TLL1: variants seen among roughly 807,000 people sequenced by gnomAD.
TLL1 encodes the protein tolloid like 1, also known as tolloid-like protein 1.
In TLL1, 49 loss-of-function variants were observed where a neutral mutation model predicts 128.2. The ratio of observed to expected loss-of-function variants is 0.38; its 90% confidence interval spans 0.30 to 0.48. TLL1 has a LOEUF of 0.48. Among genes scored for constraint, TLL1 ranks in the 20% least tolerant of loss-of-function variants. The probability of loss-of-function intolerance (pLI) is 0.96; values close to 1 mark genes in which losing one functional copy is unlikely to be tolerated. For synonymous variants in TLL1, 454 were observed against 418.8 expected (o/e 1.08, Z -1.03); for missense variants, 1,123 against 1,242.0 (o/e 0.90, Z 1.44).
At position 166,078,050 on chromosome 4, in the gene TLL1, T is replaced by G. The variant is rs1741117305; in HGVS notation, c.2442+20T>G. Reference sequence around the variant, plus strand: ...AAATTAGTAAGTGAGCACATCCTTTTTCTTTCCATTAAGCTGACTGCCCTT... The same window carrying G: ...AAATTAGTAAGTGAGCACATCCTTTGTCTTTCCATTAAGCTGACTGCCCTT... On this transcript the variant is annotated intron_variant, in intron 18 of 20. Transcript: ENST00000061240. The G allele has an allele frequency of 6.2e-7, 1 of 1,612,692 alleles. No homozygotes were observed. Among genetic ancestry groups the G allele is most frequent in the Admixed American group, 1.7e-5 (1 of 59,932 alleles).
intron 13 of TLL1, among the ~76,000 whole-genome samples, chr4:166,056,983 C>CAT (rs959902432): frequency 1.7e-3 from 256 of 151,640 alleles, no homozygotes; most frequent in Non-Finnish European, 2.7e-3. Context: ...TTTACGCCCT[C>CAT]ATATATATAT....
intron 1 of TLL1, among the ~76,000 whole-genome samples, chr4:165,954,611 C>T (rs926542498): frequency 3.9e-5 from 6 of 152,014 alleles, no homozygotes; most frequent in Admixed American, 6.6e-5. Context: ...GCTAAGATGT[C>T]AGGACACCCT....
rs183417716 is a variant in TLL1 at position 166,010,599 on chromosome 4, C to T, written c.917+2551C>T. Among the ~76,000 whole-genome samples, 13 of 150,444 alleles carry T rather than the reference C, an allele frequency of 8.6e-5. No homozygotes were observed. The East Asian group carries it at 2.3e-3, about 27-fold the overall frequency. Reference sequence around the variant, plus strand: ...AATTTTTTTTCCATTTCTTAGGTTGCCTTTTCATTCAGTTGGCTGTGTCCT... The same window carrying T: ...AATTTTTTTTCCATTTCTTAGGTTGTCTTTTCATTCAGTTGGCTGTGTCCT... On this transcript the variant is annotated intron_variant, in intron 7 of 20. Coordinates refer to ENST00000061240, the MANE Select transcript of TLL1 (RefSeq NM_012464.5).
intron 1 of TLL1, among the ~76,000 whole-genome samples, chr4:165,890,357 A>T (rs1466890800): frequency 6.6e-6 from 1 of 152,172 alleles, no homozygotes; most frequent in African/African-American, 2.4e-5. Flanking sequence ...CCAAAGTCTT[A>T]ACTCATTCCA....
Position 166,036,082 on chromosome 4 carries a change from G to A in TLL1, c.1159-3257G>A, listed in dbSNP as rs542258852. Among the ~76,000 whole-genome samples the A allele has an allele frequency of 5.9e-5, 9 of 152,264 alleles. No homozygotes were observed. The South Asian group carries it at 1.9e-3, about 32-fold the overall frequency. ...TATCTTCAGCCTTATAAGGTATGGT[G>A]CAAGTATTACGCTAATTGGCTTTTT... is the stretch of plus-strand genomic sequence containing the variant. On this transcript the variant is annotated intron_variant, in intron 9 of 20. Coordinates refer to ENST00000061240, the MANE Select transcript of TLL1 (RefSeq NM_012464.5).
At position 166,060,076 on chromosome 4, in the gene TLL1, C is replaced by T; in HGVS notation, c.1895C>T (p.Pro632Leu). 1 of 1,613,766 alleles carries T rather than the reference C, an allele frequency of 6.2e-7. No individual in the cohort carries two copies. The highest frequency in any genetic ancestry group is 8.5e-7 in the Non-Finnish European group (1 of 1,179,882). The change falls in exon 15 of 21, where the codon CCT (proline) becomes CTT (leucine). Residue 632 changes from proline to leucine, a missense_variant. This residue lies in a region of TLL1 where 634 missense variants were observed against 672.4 expected (regional missense o/e 0.94). Transcript: ENST00000061240. The part of the protein sequence containing the change: ...LTKLNGTITT[P>L]GWPKEYPPNK... ...AAACTTAACGGCACCATAACCACCC[C>T]TGGCTGGCCCAAGGAGTACCCTCCT...
chr4:166,092,007 A>C (rs547696386), intron 19 of TLL1, among the ~76,000 whole-genome samples: 13 of 150,824 alleles, frequency 8.6e-5, no homozygotes, highest in Non-Finnish European at 1.5e-4. Context: ...TGTTCCATAA[A>C]ATATCTAGAG....
At chr4:165,907,253 A>T (rs1364855605) in intron 1 of TLL1, among the ~76,000 whole-genome samples, 1 of 151,064 alleles carries the variant, frequency 6.6e-6, no homozygotes, top group Non-Finnish European at 1.5e-5. Flanking sequence ...CTCAAGCCAT[A>T]TTTTTTTTTG....
chr4:166,038,867 G>GAAA (rs1214620047), intron 9 of TLL1, among the ~76,000 whole-genome samples: 1 of 152,132 alleles, frequency 6.6e-6, no homozygotes, highest in Non-Finnish European at 1.5e-5. Context: ...TATGTTCTGG[G>GAAA]AAAGTGGCAC....
chr4:165,983,049 A>G (rs773408189), intron 1 of TLL1, among the ~76,000 whole-genome samples: 6 of 151,920 alleles, frequency 3.9e-5, no homozygotes, highest in Non-Finnish European at 7.4e-5. Context: ...CTTCTGAACT[A>G]CAATAATTTA....
chr4:165,873,508 G>C lies in TLL1; in HGVS notation c.-397G>C, dbSNP rs992740722. The C allele has an allele frequency of 1.3e-5, 2 of 156,208 alleles. No individual in the cohort carries two copies. Among genetic ancestry groups the C allele is most frequent in the African/African-American group, 4.8e-5 (2 of 41,538 alleles). 9.7% of individuals were successfully genotyped at this position (156,208 alleles called of 1,614,324 possible). On this transcript the variant is annotated 5_prime_UTR_variant, in exon 1 of 21. Coordinates refer to ENST00000061240, the MANE Select transcript of TLL1 (RefSeq NM_012464.5). Reference sequence around the variant, plus strand: ...ACGCGGCGCGGGAGTCCGAGCTCTGGTGGCAGCTGAGCCCGCGGGGCGCCG... The same window carrying C: ...ACGCGGCGCGGGAGTCCGAGCTCTGCTGGCAGCTGAGCCCGCGGGGCGCCG...
At chr4:165,913,116 A>C (rs1732615091) in intron 1 of TLL1, among the ~76,000 whole-genome samples, 1 of 152,330 alleles carries the variant, frequency 6.6e-6, no homozygotes. Flanking sequence ...TTTAAATAAC[A>C]AGTCCAGATC....
At chr4:165,900,055 T>A (rs1731897425) in intron 1 of TLL1, among the ~76,000 whole-genome samples, 1 of 115,382 alleles carries the variant, frequency 8.7e-6, no homozygotes, top group Non-Finnish European at 1.6e-5. Flanking sequence ...CTTTCCCTGA[T>A]TTTTTTTTTT....
chr4:166,015,978 A>G (rs1366196845), intron 8 of TLL1, among the ~76,000 whole-genome samples: 1 of 151,994 alleles, frequency 6.6e-6, no homozygotes, highest in African/African-American at 2.4e-5. Flanking sequence ...TTTGCATCAT[A>G]ATGATTCAAT....
chr4:165,900,289 G>A (rs535878635), intron 1 of TLL1, among the ~76,000 whole-genome samples: 5 of 152,102 alleles, frequency 3.3e-5, no homozygotes, highest in South Asian at 4.2e-4. Flanking sequence ...GATGATAGCC[G>A]GTTATTTTGC....
chr4:165,977,801 G>A (rs1363895164), intron 1 of TLL1, among the ~76,000 whole-genome samples: 1 of 152,094 alleles, frequency 6.6e-6, no homozygotes, highest in Non-Finnish European at 1.5e-5. Context: ...AAAGGAATAG[G>A]TCGTTCACAA....
rs576376011 is a variant in TLL1, at chr4:166,060,031, C to T, written c.1850C>T (p.Ala617Val). The change falls in exon 15 of 21, where the codon GCT becomes GTT. Residue 617 changes from alanine to valine, a missense_variant. By Grantham distance (64) the Ala-to-Val change is moderately conservative. Transcript: ENST00000061240. ...LGPDRRSCEA[A>V]CGGLLTKLNG... ...TTTTTCTTTTCTTTTCTTCTAGCTG[C>T]TTGTGGTGGACTTCTTACCAAACTT... 3 of 1,613,460 alleles carry T rather than the reference C, an allele frequency of 1.9e-6. No homozygotes were observed. The highest frequency in any genetic ancestry group is 3.3e-5 in the Admixed American group (2 of 59,916).
At chr4:166,018,389 G>A (rs1738053057) in intron 8 of TLL1, among the ~76,000 whole-genome samples, 1 of 152,070 alleles carries the variant, frequency 6.6e-6, no homozygotes, top group Admixed American at 6.6e-5. Context: ...CTGGACATTG[G>A]CCTTGGGAAA....
At chr4:165,905,530 C>T (rs1219086801) in intron 1 of TLL1, among the ~76,000 whole-genome samples, 1 of 151,992 alleles carries the variant, frequency 6.6e-6, no homozygotes, top group Non-Finnish European at 1.5e-5. Context: ...TAAATTCTTC[C>T]TGGTTATTGT....
Sources: gnomAD v4.1 joint callset for allele counts (sites outside exome capture counted in the v4.1 genomes callset) on GRCh38, gnomAD v4.1.1 for gene constraint, gnomAD v4.1.1 regional missense constraint, MANE v1.5 for transcripts, NCBI Gene and HGNC (gene_info 2026-07-23, HGNC 2026-07-21) for gene names.